The following CA1 variants were observed in gnomAD, a reference collection of about 807,000 sequenced individuals.
The protein encoded by CA1 is carbonate dehydratase I.
Under a neutral mutation model 28.8 loss-of-function variants are expected in CA1, and 27 were observed. The observed-to-expected ratio is 0.94, with a 90% CI of 0.69 to 1.29. The LOEUF (loss-of-function observed/expected upper bound fraction) is 1.29. Among genes scored for constraint, CA1 ranks in the 50% most tolerant of loss-of-function variants. CA1 has a pLI of 0.00. For missense variants in CA1, 335 were observed against 310.5 expected, an observed-to-expected ratio of 1.08 and a Z score of -0.59; for synonymous variants, 121 against 108.8, an observed-to-expected ratio of 1.11 and a Z score of -0.70.
At chr8:85,355,837 A>C (rs1156449288) in intron 1 of CA1, among the ~76,000 whole-genome samples, 1 of 133,950 alleles carries the variant, frequency 7.5e-6, no homozygotes, top group Non-Finnish European at 1.6e-5. Flanking sequence ...TCAGTGATAA[A>C]TGGCAGGTCT....
Position 85,338,339 on chromosome 8 carries a change from C to T in CA1, c.148G>A (p.Val50Ile), listed in dbSNP as rs923689304. Residue 50 changes from valine (V) to isoleucine (I), a missense_variant, in exon 3 of 8, where the codon GTC becomes ATC. Coordinates refer to ENST00000523022, the MANE Select transcript of CA1 (RefSeq NM_001128831.4). ...TTGGCTGTGGCTGGGTTGTAGGAGACACTAATAGGTTTCAGAGAGGTGTCA... is the reference window on the plus strand; with the variant it reads ...TTGGCTGTGGCTGGGTTGTAGGAGATACTAATAGGTTTCAGAGAGGTGTCA... ...KHDTSLKPISVSYNPATAKEI... is the reference protein window; with the variant it reads ...KHDTSLKPISISYNPATAKEI... 3 of 1,613,696 alleles carry T rather than the reference C, an allele frequency of 1.9e-6. No homozygotes were observed. The African/African-American group carries it at 4.0e-5, about 22-fold the overall frequency.
At chr8:85,355,668 G>A (rs1209399108) in intron 1 of CA1, among the ~76,000 whole-genome samples, 1 of 151,082 alleles carries the variant, frequency 6.6e-6, no homozygotes, top group Non-Finnish European at 1.5e-5. Flanking sequence ...CTCAAAGTAG[G>A]GGCATTATAG....
At chr8:85,361,498 G>A (rs968323777) in intron 1 of CA1, among the ~76,000 whole-genome samples, 5 of 152,012 alleles carry the variant, frequency 3.3e-5, no homozygotes, top group African/African-American at 7.3e-5. Flanking sequence ...CCAACATGTC[G>A]AAACCCTCTG....
intron 1 of CA1, among the ~76,000 whole-genome samples, chr8:85,363,269 G>A (rs1809869274): frequency 6.6e-6 from 1 of 152,190 alleles, no homozygotes; most frequent in Non-Finnish European, 1.5e-5. Flanking sequence ...ATTCACAGGA[G>A]CACAGCACAA....
intron 1 of CA1, among the ~76,000 whole-genome samples, chr8:85,358,938 C>T (rs1376696243): frequency 3.9e-5 from 6 of 152,132 alleles, no homozygotes; most frequent in Admixed American, 3.9e-4. Context: ...CCATCAACCC[C>T]ATAACAGTGA....
At chr8:85,361,417 C>T (rs1205980104) in intron 1 of CA1, among the ~76,000 whole-genome samples, 2 of 152,166 alleles carry the variant, frequency 1.3e-5, no homozygotes, top group Non-Finnish European at 2.9e-5. Flanking sequence ...TGGCTCACAC[C>T]TGTAATCTCA....
At chr8:85,352,950 C>T (rs1809468520) in intron 1 of CA1, among the ~76,000 whole-genome samples, 2 of 152,220 alleles carry the variant, frequency 1.3e-5, no homozygotes, top group East Asian at 1.9e-4. Context: ...TGATGCTGAC[C>T]ACTAGTTGAG....
rs779181343 is a variant in CA1, at chr8:85,338,191, A to AT, written c.235+60dup. The AT allele has an allele frequency of 1.2e-4, 165 of 1,352,370 alleles. No individual in the cohort carries two copies. The Middle Eastern group carries it at 5.2e-3, about 43-fold the overall frequency. 83.8% of individuals were successfully genotyped at this position (1,352,370 alleles called of 1,614,324 possible). A position where few individuals can be genotyped will look rare whatever the true frequency, so the allele number is the denominator to read the frequency against. ...ATGGGTGTCATATTTCTCGAGCACTATTTTTTAAATTTTCCCAGTAGACTG... is the reference window on the plus strand; with the variant it reads ...ATGGGTGTCATATTTCTCGAGCACTATTTTTTTAAATTTTCCCAGTAGACTG... On this transcript the variant is annotated intron_variant, in intron 3 of 7. Transcript: ENST00000523022.
At chr8:85,360,681 T>C (rs1343847321) in intron 1 of CA1, among the ~76,000 whole-genome samples, 1 of 152,166 alleles carries the variant, frequency 6.6e-6, no homozygotes, top group Non-Finnish European at 1.5e-5. Context: ...CGACACCCCC[T>C]GTCTCTAAAT....
At chr8:85,358,250 G>C (rs1809672657) in intron 1 of CA1, among the ~76,000 whole-genome samples, 1 of 152,148 alleles carries the variant, frequency 6.6e-6, no homozygotes, top group African/African-American at 2.4e-5. Flanking sequence ...CCTCGCTGCT[G>C]TGCTTTCTCA....
At chr8:85,362,073 G>A (rs1809819041) in intron 1 of CA1, among the ~76,000 whole-genome samples, 1 of 152,174 alleles carries the variant, frequency 6.6e-6, no homozygotes. Context: ...TCAAGGGGTT[G>A]GCAGGGTTGC....
At chr8:85,353,721 G>T (rs1809497520) in intron 1 of CA1, among the ~76,000 whole-genome samples, 1 of 149,984 alleles carries the variant, frequency 6.7e-6, no homozygotes, top group Admixed American at 6.6e-5. Context: ...GCTTGCCATT[G>T]TTTATTTAGC....
intron 1 of CA1, among the ~76,000 whole-genome samples, chr8:85,372,396 GT>G (rs1320495652): frequency 6.6e-6 from 1 of 152,182 alleles, no homozygotes; most frequent in Non-Finnish European, 1.5e-5. Flanking sequence ...TGTCACCATT[GT>G]GGAAAGCAGT....
At chr8:85,329,374 T>C (rs969090970) in intron 7 of CA1, among the ~76,000 whole-genome samples, 1 of 152,176 alleles carries the variant, frequency 6.6e-6, no homozygotes, top group South Asian at 2.1e-4. Flanking sequence ...CAAAGTCTTA[T>C]TGAAATGTCC....
At chr8:85,359,748 T>C (rs143028368) in intron 1 of CA1, among the ~76,000 whole-genome samples, 12 of 152,352 alleles carry the variant, frequency 7.9e-5, no homozygotes, top group African/African-American at 2.6e-4. Flanking sequence ...GTTGATAACT[T>C]GGTAGGTATT....
rs1228660646 is a variant in CA1 at position 85,344,251 on chromosome 8, TTA to T, written c.-24-2594_-24-2593del. Among the ~76,000 whole-genome samples the T allele has an allele frequency of 7.9e-4, 79 of 100,394 alleles. 1 individual carries two copies. The highest frequency in any genetic ancestry group is 2.4e-3 in the African/African-American group (50 of 21,058). 65.9% of individuals were successfully genotyped at this position (100,394 alleles called of 152,430 possible). A position where few individuals can be genotyped will look rare whatever the true frequency, so the allele number is the denominator to read the frequency against. ...ACAGTATATAATATATAATTATATA[TTA>T]TATACAGTATATAATATATAATTAT... On this transcript the variant is annotated intron_variant, in intron 1 of 7. Coordinates refer to ENST00000523022, the MANE Select transcript of CA1 (RefSeq NM_001128831.4).
At chr8:85,361,451 A>G (rs765549357) in intron 1 of CA1, among the ~76,000 whole-genome samples, 1 of 152,110 alleles carries the variant, frequency 6.6e-6, no homozygotes, top group African/African-American at 2.4e-5. Context: ...CCGAAGCGGG[A>G]TGATTGCTTG....
intron 6 of CA1, 58 bp from the exon 7 acceptor site, chr8:85,329,902 TGAC>T: frequency 2.3e-6 from 3 of 1,289,992 alleles, no homozygotes; most frequent in Non-Finnish European, 2.2e-6. Flanking sequence ...TGAATATATG[TGAC>T]ATATATATGC....
chr8:85,366,293 G>A (rs1810005608), intron 1 of CA1, among the ~76,000 whole-genome samples: 1 of 151,186 alleles, frequency 6.6e-6, no homozygotes, highest in Admixed American at 6.6e-5. Flanking sequence ...GATTACAGGT[G>A]TGAGTTACTG....
Sources: allele counts gnomAD v4.1 joint callset (sites outside exome capture counted in the v4.1 genomes callset), GRCh38; gene constraint gnomAD v4.1.1; transcripts MANE v1.5; gene names NCBI Gene and HGNC (gene_info 2026-07-23, HGNC 2026-07-21).